Variants in NRG1 observed in about 807,000 individuals in gnomAD.
The protein encoded by NRG1 is neuregulin 1, also known as pro-neuregulin-1, membrane-bound isoform.
A neutral mutation model predicts 63.8 loss-of-function variants in NRG1; 18 were observed. The observed-to-expected ratio is 0.28, with a 90% CI of 0.19 to 0.42. The LOEUF (loss-of-function observed/expected upper bound fraction) is 0.42, where lower values mean the gene tolerates loss of function less well. Ranked by LOEUF, NRG1 falls within the 10% of genes least tolerant of loss-of-function variation. NRG1 has a pLI of 1.00. For missense variants in NRG1, 762 were observed against 814.7 expected, an observed-to-expected ratio of 0.94 and a Z score of 0.79; for synonymous variants, 302 against 301.3, an observed-to-expected ratio of 1.00 and a Z score of -0.02.
intron 1 of NRG1, among the ~76,000 whole-genome samples, chr8:32,422,711 T>C (rs1022227375): frequency 6.6e-6 from 1 of 152,188 alleles, no homozygotes; most frequent in Non-Finnish European, 1.5e-5. Flanking sequence ...CTTGCCAACG[T>C]TGGGTATTGT....
intron 1 of NRG1, among the ~76,000 whole-genome samples, chr8:31,920,507 G>A (rs1833810958): frequency 6.6e-6 from 1 of 152,068 alleles, no homozygotes; most frequent in South Asian, 2.1e-4. Flanking sequence ...GTTGTGATGT[G>A]ACTCTGATGT....
chr8:31,885,693 A>G (rs1271584077), intron 1 of NRG1, among the ~76,000 whole-genome samples: 1 of 152,124 alleles, frequency 6.6e-6, no homozygotes, highest in South Asian at 2.1e-4. Context: ...AGCCTAGTAC[A>G]GTTAGTATGT....
chr8:32,552,340 T>G (rs1472416618), intron 1 of NRG1, among the ~76,000 whole-genome samples: 1 of 152,034 alleles, frequency 6.6e-6, no homozygotes, highest in African/African-American at 2.4e-5. Context: ...CTTTTTCCTC[T>G]TAAATAACCT....
At chr8:31,722,519 C>G (rs192676152) in intron 1 of NRG1, among the ~76,000 whole-genome samples, 1 of 152,212 alleles carries the variant, frequency 6.6e-6, no homozygotes, top group East Asian at 1.9e-4. Flanking sequence ...GTAAATGAAT[C>G]TAATAATTTT....
At chr8:32,482,149 T>G (rs534530791) in intron 1 of NRG1, among the ~76,000 whole-genome samples, 145 of 152,238 alleles carry the variant, frequency 9.5e-4, no homozygotes, top group African/African-American at 3.4e-3. Context: ...ACAGAAAACT[T>G]AATTTACCAC....
chr8:32,196,913 G>T (rs902550024), intron 1 of NRG1, among the ~76,000 whole-genome samples: 6 of 100,092 alleles, frequency 6.0e-5, no homozygotes. Context: ...TCTAAAGCTG[G>T]TTTTCTACCA....
At chr8:32,368,482 T>A (rs1399532030) in intron 1 of NRG1, among the ~76,000 whole-genome samples, 1 of 152,104 alleles carries the variant, frequency 6.6e-6, no homozygotes, top group Non-Finnish European at 1.5e-5. Flanking sequence ...AGCCCATGAG[T>A]TTGAGGCAGG....
At position 32,054,859 on chromosome 8, in the gene NRG1, CTTTCTTTTTTTTTTTTTTTTTTTTTTTTT is replaced by C. The variant is rs1262368231; in HGVS notation, c.37+415432_37+415460del. Among the ~76,000 whole-genome samples, 175 of 70,684 alleles carry C rather than the reference CTTTCTTTTTTTTTTTTTTTTTTTTTTTTT, an allele frequency of 2.5e-3. 1 individual carries two copies. The highest frequency in any genetic ancestry group is 7.2e-3 in the South Asian group (14 of 1,936). 46.4% of individuals were successfully genotyped at this position (70,684 alleles called of 152,430 possible). A position where few individuals can be genotyped will look rare whatever the true frequency, so the allele number is the denominator to read the frequency against. ...TTTCCCTTGAAAAGCAGATTTCTTT[CTTTCTTTTTTTTTTTTTTTTTTTTTTTTT>C]TTTTTTTTTTTTTTTTTTGAGATGA... On this transcript the variant is annotated intron_variant, in intron 1 of 10. Coordinates refer to the NRG1 transcript ENST00000519301.
chr8:32,008,244 C>T (rs908261430), intron 1 of NRG1, among the ~76,000 whole-genome samples: 1 of 151,930 alleles, frequency 6.6e-6, no homozygotes, highest in Non-Finnish European at 1.5e-5. Context: ...GTGTCGATTG[C>T]ATGACTTTAT....
chr8:31,985,754 G>T (rs182246885), intron 1 of NRG1, among the ~76,000 whole-genome samples: 8 of 152,114 alleles, frequency 5.3e-5, no homozygotes, highest in Admixed American at 6.5e-5. Context: ...GTCTTGAAAG[G>T]CTTTTGTTTT....
intron 1 of NRG1, among the ~76,000 whole-genome samples, chr8:31,923,933 G>A (rs1193241033): frequency 2.0e-5 from 3 of 151,806 alleles, no homozygotes; most frequent in East Asian, 1.9e-4. Context: ...GCTTCCATGT[G>A]CACACATTAT....
chr8:32,535,620 A>G (rs182534376), intron 1 of NRG1, among the ~76,000 whole-genome samples: 8 of 152,342 alleles, frequency 5.3e-5, no homozygotes, highest in Admixed American at 1.3e-4. Context: ...ATGGTCAAAG[A>G]AAGGGCTAGA....
chr8:32,381,840 T>G (rs1810396840), intron 1 of NRG1, among the ~76,000 whole-genome samples: 1 of 152,214 alleles, frequency 6.6e-6, no homozygotes, highest in Non-Finnish European at 1.5e-5. Context: ...TTATTGAAAT[T>G]TACTTTATAA....
chr8:32,352,853 G>C (rs1249713551), intron 1 of NRG1, among the ~76,000 whole-genome samples: 1 of 151,354 alleles, frequency 6.6e-6, no homozygotes, highest in Admixed American at 6.6e-5. Flanking sequence ...GCTCCATCTT[G>C]GGTGACAGAA....
At chr8:32,773,367 T>C (rs1170652489) in intron 7 of NRG1, among the ~76,000 whole-genome samples, 3 of 152,128 alleles carry the variant, frequency 2.0e-5, no homozygotes, top group Non-Finnish European at 4.4e-5. Flanking sequence ...CTTGAATCCT[T>C]CCTATTGAGC....
intron 1 of NRG1, among the ~76,000 whole-genome samples, chr8:32,475,053 T>C (rs1208979604): frequency 6.6e-6 from 1 of 152,170 alleles, no homozygotes; most frequent in Non-Finnish European, 1.5e-5. Context: ...TGATCTTTCC[T>C]GCCTACTTCC....
chr8:31,877,562 C>T (rs1233332779), intron 1 of NRG1, among the ~76,000 whole-genome samples: 1 of 151,972 alleles, frequency 6.6e-6, no homozygotes, highest in Non-Finnish European at 1.5e-5. Flanking sequence ...TTAATGCCCA[C>T]TCTATTGGAC....
At chr8:32,385,642 A>T (rs577076090) in intron 1 of NRG1, among the ~76,000 whole-genome samples, 1 of 152,186 alleles carries the variant, frequency 6.6e-6, no homozygotes, top group African/African-American at 2.4e-5. Context: ...TTTTACAAGA[A>T]TTTACTCACC....
intron 1 of NRG1, among the ~76,000 whole-genome samples, chr8:32,059,845 C>T (rs1185921863): frequency 6.6e-6 from 1 of 151,790 alleles, no homozygotes; most frequent in African/African-American, 2.4e-5. Flanking sequence ...AATATGTTCT[C>T]GCCTCCATTT....
Sources: allele counts gnomAD v4.1 joint callset (sites outside exome capture counted in the v4.1 genomes callset), GRCh38; gene constraint gnomAD v4.1.1; transcripts MANE v1.5; gene names NCBI Gene and HGNC (gene_info 2026-07-23, HGNC 2026-07-21).